The following HPS4 variants were observed in gnomAD, a reference collection of about 807,000 sequenced individuals.
HPS4 encodes the protein HPS4 biogenesis of lysosomal organelles complex 3 subunit 2.
Under a neutral mutation model 70.3 loss-of-function variants are expected in HPS4, and 44 were observed. The ratio of observed to expected loss-of-function variants is 0.63; its 90% CI spans 0.49 to 0.80. The LOEUF (loss-of-function observed/expected upper bound fraction) is 0.80, where lower values mean the gene tolerates loss of function less well. HPS4 is among the 30% of genes least tolerant of loss of function. The probability of loss-of-function intolerance (pLI) is 0.00; values close to 1 mark genes in which losing one functional copy is unlikely to be tolerated. For synonymous variants in HPS4, 377 were observed against 355.9 expected, an observed-to-expected ratio of 1.06 and a Z score of -0.67; for missense variants, 873 against 884.4, an observed-to-expected ratio of 0.99 and a Z score of 0.16.
Position 26,452,146 on chromosome 22 carries a change from CAAGAAA to C in HPS4, c.*1081_*1086del, listed in dbSNP as rs2085329468. ...ATTTCTAGCCCTTGGAAGCTTGTTT[CAAGAAA>C]AAGACACCATATCATAAACATCAGA... On this transcript the variant is annotated 3_prime_UTR_variant, in exon 14 of 14. Transcript: ENST00000398145. 6.0e-6 allele frequency: 2 copies of C among 334,820 alleles called. No individual in the cohort carries two copies. The highest frequency in any genetic ancestry group is 1.2e-5 in the Non-Finnish European group (2 of 169,558). The allele number at this position is 334,820 out of a possible 1,614,324, so 20.7% of individuals were successfully genotyped here. A position where few individuals can be genotyped will look rare whatever the true frequency, so the allele number is the denominator to read the frequency against.
At chr22:26,472,783 G>T (rs755252140) in intron 5 of HPS4, 49 bp downstream of exon 5, 1 of 1,371,690 alleles carries the variant, frequency 7.3e-7, no homozygotes, top group East Asian at 2.3e-5. Flanking sequence ...GGCAATACCG[G>T]TTTTTATAAA....
rs748181375 is a variant in HPS4 at position 26,465,536 on chromosome 22, G to C, written c.722C>G (p.Pro241Arg). 18 of 1,613,786 alleles carry C rather than the reference G, an allele frequency of 1.1e-5. No individual in the cohort carries two copies. Among genetic ancestry groups the C allele is most frequent in the Non-Finnish European group, 1.3e-5 (15 of 1,179,784 alleles). Residue 241 changes from proline to arginine, a missense_variant, in exon 10 of 14, where the codon CCG becomes CGG. Coordinates refer to ENST00000398145, the MANE Select transcript of HPS4 (RefSeq NM_022081.6). Reference protein sequence around the residue: ...APQEHGAALPPNVQIIPVFVT... With the variant: ...APQEHGAALPRNVQIIPVFVT... Reference sequence around the variant, plus strand: ...AAAAACAGGGATAATCTGGACATTCGGGGGCAATGCCGCTCCTGGAATTGC... The same window carrying C: ...AAAAACAGGGATAATCTGGACATTCCGGGGCAATGCCGCTCCTGGAATTGC...
At chr22:26,459,271 G>A (rs958422796) in intron 11 of HPS4, among the ~76,000 whole-genome samples, 7 of 152,228 alleles carry the variant, frequency 4.6e-5, no homozygotes, top group Admixed American at 3.9e-4. Flanking sequence ...ATACAGTTGA[G>A]GACGACTGTC....
chr22:26,469,879 C>T (rs1027586575), intron 7 of HPS4, among the ~76,000 whole-genome samples: 45 of 152,108 alleles, frequency 3.0e-4, no homozygotes, highest in African/African-American at 1.1e-3. Context: ...GGTCTATGCT[C>T]GGTTCTTCCG....
At chr22:26,448,880 C>A (rs1430778471), downstream of HPS4, among the ~76,000 whole-genome samples, 1 of 152,168 alleles carries the variant, frequency 6.6e-6, no homozygotes, top group African/African-American at 2.4e-5. Context: ...GTGGGTCTGA[C>A]ACCTGCCCTC....
chr22:26,476,649 G>C (rs2090588416), intron 4 of HPS4: 1 of 230,686 alleles, frequency 4.3e-6, no homozygotes, highest in South Asian at 5.8e-5. Flanking sequence ...ATTTTTTTCT[G>C]GGTCACTTAC....
intron 1 of HPS4, chr22:26,482,889 A>G (rs1209780768): frequency 6.6e-6 from 1 of 152,204 alleles, no homozygotes; most frequent in Non-Finnish European, 1.5e-5. Flanking sequence ...GGAAAACACA[A>G]AACAAGGTCT....
chr22:26,469,147 G>A (rs1434376633), intron 7 of HPS4, among the ~76,000 whole-genome samples: 1 of 152,080 alleles, frequency 6.6e-6, no homozygotes, highest in African/African-American at 2.4e-5. Flanking sequence ...GGTGAGGACA[G>A]GTTAAGAGTG....
Position 26,452,042 on chromosome 22 carries a change from ACT to A in HPS4, c.*1189_*1190del, listed in dbSNP as rs1388493407. On this transcript the variant is annotated 3_prime_UTR_variant, in exon 14 of 14. Coordinates refer to ENST00000398145, the MANE Select transcript of HPS4 (RefSeq NM_022081.6). ...CACACACACACACACACACACACAC[ACT>A]GTCTTAACCCTTACCTTTGTCACAA... The A allele has an allele frequency of 1.3e-5, 4 of 311,250 alleles. No individual in the cohort carries two copies. The highest frequency in any genetic ancestry group is 5.3e-5 in the South Asian group (2 of 37,448). The allele number at this position is 311,250 out of a possible 1,614,324, so 19.3% of individuals were successfully genotyped here.
intron 13 of HPS4, chr22:26,453,643 T>G (rs1224733753): frequency 1.8e-6 from 1 of 564,406 alleles, no homozygotes; most frequent in South Asian, 2.0e-5. Flanking sequence ...CCATCCACAG[T>G]GGCAGCAGCC....
chr22:26,481,311 G>A (rs2147028548), intron 2 of HPS4, among the ~76,000 whole-genome samples: 1 of 152,264 alleles, frequency 6.6e-6, no homozygotes, highest in Non-Finnish European at 1.5e-5. Flanking sequence ...GGTTGAGAAG[G>A]GAACTGGGTT....
downstream of HPS4, among the ~76,000 whole-genome samples, chr22:26,447,550 A>G (rs941647376): frequency 6.6e-6 from 1 of 152,110 alleles, no homozygotes; most frequent in Admixed American, 6.5e-5. Context: ...CTCCATACAC[A>G]TTGTCAGGAT....
intron 13 of HPS4, among the ~76,000 whole-genome samples, chr22:26,457,140 TGA>T (rs949110534): frequency 6.6e-6 from 1 of 151,240 alleles, no homozygotes; most frequent in Non-Finnish European, 1.5e-5. Context: ...GTGATGGAGA[TGA>T]GAGAGGAAAA....
intron 5 of HPS4, 56 bp from the exon 6 acceptor site, chr22:26,472,474 G>C: frequency 8.8e-7 from 1 of 1,142,766 alleles, no homozygotes. Context: ...CAGATTCTTT[G>C]GCCAGAGTCC....
chr22:26,466,804 G>C (rs941315833), intron 8 of HPS4: 1 of 164,792 alleles, frequency 6.1e-6, no homozygotes, highest in Non-Finnish European at 1.3e-5. Flanking sequence ...AACATCTCTC[G>C]TTTCAATCTG....
Position 26,471,853 on chromosome 22 carries a change from G to A in HPS4, c.501+449C>T, listed in dbSNP as rs547943830. ...GTTTCACTGAGTGCCAACCGCAAAC[G>A]GAGCGGCTCAGAGATACAAAAACAG... On this transcript the variant is annotated intron_variant, in intron 6 of 13. Coordinates refer to ENST00000398145, the MANE Select transcript of HPS4 (RefSeq NM_022081.6). Among the ~76,000 whole-genome samples, 4 of 152,272 alleles carry A rather than the reference G, an allele frequency of 2.6e-5. 1 individual carries two copies. The East Asian group carries it at 7.7e-4, about 29-fold the overall frequency.
rs1202480893 is a variant in HPS4, at chr22:26,463,899, A to T, written c.1713+18T>A. 2.5e-6 allele frequency: 4 copies of T among 1,611,392 alleles called. No individual in the cohort carries two copies. Among genetic ancestry groups the T allele is most frequent in the Non-Finnish European group, 3.4e-6 (4 of 1,179,432 alleles). On this transcript the variant is annotated intron_variant, in intron 11 of 13. Transcript: ENST00000398145. ...GCAGAGGCCGCAGAGGGGCAGGAGA[A>T]GGTCTGAGGACACTCACCACTTCCT... is the stretch of plus-strand genomic sequence containing the variant.
Position 26,464,736 on chromosome 22 carries a change from A to T in HPS4, c.894T>A (p.Thr298=), listed in dbSNP as rs773950609. 6.3e-7 allele frequency: 1 copy of T among 1,593,386 alleles called. No individual in the cohort carries two copies. Residue 298 remains threonine, a synonymous_variant, in exon 11 of 14, where the codon ACT becomes ACA. Transcript: ENST00000398145. The stretch of plus-strand genomic sequence containing the variant: ...TCCAGGCCATGGATTCCACATGGCC[A>T]GTGGCGTTTTCTTTCAGGGCAGATG... The part of the protein sequence containing the change: ...GSTSALKENA[T]GHVESMAWTT...
In HPS4 at chr22:26,452,044, T is replaced by A. The variant is rs2157585; in HGVS notation, c.*1189A>T. 2.0e-4 allele frequency: 60 copies of A among 297,816 alleles called. No homozygotes were observed. Among genetic ancestry groups the A allele is most frequent in the African/African-American group, 7.9e-4 (33 of 41,516 alleles). 18.4% of individuals were successfully genotyped at this position (297,816 alleles called of 1,614,324 possible). A position where few individuals can be genotyped will look rare whatever the true frequency, so the allele number is the denominator to read the frequency against. ...CACACACACACACACACACACACAC[T>A]GTCTTAACCCTTACCTTTGTCACAA... On this transcript the variant is annotated 3_prime_UTR_variant, in exon 14 of 14. Coordinates refer to ENST00000398145, the MANE Select transcript of HPS4 (RefSeq NM_022081.6).
Sources: allele counts gnomAD v4.1 joint callset (sites outside exome capture counted in the v4.1 genomes callset), GRCh38; gene constraint gnomAD v4.1.1; transcripts MANE v1.5; gene names NCBI Gene and HGNC (gene_info 2026-07-23, HGNC 2026-07-21).